PIK3C2A: variants seen among roughly 807,000 people sequenced by gnomAD.
PIK3C2A encodes the protein phosphatidylinositol 4-phosphate 3-kinase C2 domain-containing subunit alpha.
PIK3C2A carries 97 observed loss-of-function variants against 204.5 expected under a neutral mutation model. That is an observed-to-expected ratio of 0.47 (90% confidence interval 0.40 to 0.56). The LOEUF (loss-of-function observed/expected upper bound fraction) is 0.56, where lower values mean the gene tolerates loss of function less well. Ranked by LOEUF, PIK3C2A falls within the 20% of genes least tolerant of loss-of-function variation. The pLI, the probability that PIK3C2A is intolerant of heterozygous loss-of-function variation, is 0.00. For synonymous variants in PIK3C2A, 653 were observed against 664.4 expected (o/e 0.98, Z 0.26); for missense variants, 1,735 against 1,969.2 (o/e 0.88, Z 2.25).
chr11:17,113,892 C>G (rs1185695947), intron 20 of PIK3C2A, among the ~76,000 whole-genome samples: 3 of 150,894 alleles, frequency 2.0e-5, no homozygotes, highest in Non-Finnish European at 4.4e-5. Flanking sequence ...CCAGCCTGGT[C>G]AACAAAGTGA....
At chr11:17,159,459 T>C (rs1850708516) in intron 2 of PIK3C2A, among the ~76,000 whole-genome samples, 1 of 152,250 alleles carries the variant, frequency 6.6e-6, no homozygotes. Flanking sequence ...TGTAGATGTT[T>C]AGGTCATCGT....
At position 17,105,279 on chromosome 11, in the gene PIK3C2A, C is replaced by G. The variant is rs764455543; in HGVS notation, c.3571G>C (p.Asp1191His). 1 of 1,610,688 alleles carries G rather than the reference C, an allele frequency of 6.2e-7. No individual in the cohort carries two copies. The highest frequency in any genetic ancestry group is 8.5e-7 in the Non-Finnish European group (1 of 1,178,470). ...TCCACTTGGATTTTCCTGAGGGTATCGGAAGCAGGAACCAGCTCCACCATG... is the reference window on the plus strand; with the variant it reads ...TCCACTTGGATTTTCCTGAGGGTATGGGAAGCAGGAACCAGCTCCACCATG... The part of the protein sequence containing the change: ...RGMVELVPAS[D>H]TLRKIQVEYG... Residue 1191 changes from aspartate (D) to histidine (H), a missense_variant, in exon 23 of 33, where the codon GAT (aspartate) becomes CAT (histidine). Around this residue, in one of 6 missense-constraint regions of PIK3C2A, gnomAD observed 503 missense variants for 669.0 expected, o/e 0.75. Transcript: ENST00000691414.
intron 2 of PIK3C2A, among the ~76,000 whole-genome samples, chr11:17,167,935 T>C (rs952978022): frequency 2.6e-5 from 4 of 152,140 alleles, no homozygotes; most frequent in Admixed American, 2.6e-4. Context: ...TATTTATTCA[T>C]TGATTCATGG....
chr11:17,181,659 T>TATACACACACACAC (rs1851568139), intron 1 of PIK3C2A, among the ~76,000 whole-genome samples: 1 of 113,146 alleles, frequency 8.8e-6, no homozygotes, highest in African/African-American at 4.4e-5. Flanking sequence ...TATATATATA[T>TATACACACACACAC]ACACACACAC....
intron 2 of PIK3C2A, among the ~76,000 whole-genome samples, chr11:17,161,972 T>G (rs1345269073): frequency 6.6e-6 from 1 of 152,132 alleles, no homozygotes; most frequent in African/African-American, 2.4e-5. Context: ...AAAACCAAAC[T>G]TTATCTTCCT....
chr11:17,191,524 G>A (rs1052565716), intron 1 of PIK3C2A, among the ~76,000 whole-genome samples: 2 of 152,184 alleles, frequency 1.3e-5, no homozygotes, highest in Admixed American at 6.5e-5. Context: ...AATGGGGAGC[G>A]AATACCAGAT....
At chr11:17,152,971 G>C (rs150904685) in intron 3 of PIK3C2A, among the ~76,000 whole-genome samples, 15 of 151,994 alleles carry the variant, frequency 9.9e-5, no homozygotes, top group Non-Finnish European at 1.5e-4. Flanking sequence ...GAAGTTTTTG[G>C]GGTCAAGATA....
chr11:17,095,357 C>A, intron 27 of PIK3C2A, among the ~76,000 whole-genome samples: 1 of 143,362 alleles, frequency 7.0e-6, no homozygotes, highest in South Asian at 2.2e-4. Flanking sequence ...AGGTGGATCA[C>A]AAGGTCAGGA....
chr11:17,117,401 C>A (rs1849228332), intron 19 of PIK3C2A, 90 bp downstream of exon 19: 1 of 817,510 alleles, frequency 1.2e-6, no homozygotes, highest in African/African-American at 1.7e-5. Flanking sequence ...TGGGAGTCTA[C>A]CAATAAAGAA....
intron 1 of PIK3C2A, among the ~76,000 whole-genome samples, chr11:17,190,547 C>A (rs1260272171): frequency 6.7e-6 from 1 of 149,116 alleles, no homozygotes; most frequent in Non-Finnish European, 1.5e-5. Flanking sequence ...CTCCATCCAG[C>A]CTGGGCGACA....
rs61763084 is a variant in PIK3C2A, at chr11:17,099,611, T to C, written c.4118+249A>G. On this transcript the variant is annotated intron_variant, in intron 26 of 32. Transcript: ENST00000691414. ...ACTGTAGAAAAATATGTTTTTATCA[T>C]TGAAATTACATATTAAATAAACCTT... Among the ~76,000 whole-genome samples the C allele has an allele frequency of 3.0e-3, 451 of 152,272 alleles. 3 individuals carry two copies. The highest frequency in any genetic ancestry group is 0.01 in the African/African-American group (425 of 41,582).
rs1590965687 is a variant in PIK3C2A at position 17,150,480 on chromosome 11, G to C, written c.1327+18C>G. Reference sequence around the variant, plus strand: ...CCTAACAGAGCAAAACGAGAGGCTTGAGGAACCATAAACCTACCATCACAC... The same window carrying C: ...CCTAACAGAGCAAAACGAGAGGCTTCAGGAACCATAAACCTACCATCACAC... On this transcript the variant is annotated intron_variant, in intron 4 of 32. Coordinates refer to ENST00000691414, the MANE Select transcript of PIK3C2A (RefSeq NM_002645.4). 1 of 1,572,176 alleles carries C rather than the reference G, an allele frequency of 6.4e-7. No homozygotes were observed.
intron 13 of PIK3C2A, among the ~76,000 whole-genome samples, chr11:17,125,691 G>A (rs1849499880): frequency 6.6e-6 from 1 of 151,896 alleles, no homozygotes; most frequent in East Asian, 1.9e-4. Flanking sequence ...TAACTTTTTT[G>A]TATTTTTAGT....
chr11:17,138,292 A>C, intron 8 of PIK3C2A: 1 of 642,912 alleles, frequency 1.6e-6, no homozygotes, highest in Non-Finnish European at 2.8e-6. Flanking sequence ...AGGATATGCC[A>C]AATGCCCCGG....
chr11:17,138,951 A>G (rs904024885), intron 8 of PIK3C2A, among the ~76,000 whole-genome samples: 8 of 151,866 alleles, frequency 5.3e-5, no homozygotes, highest in Non-Finnish European at 1.2e-4. Context: ...TTTGTCCCCC[A>G]GGCTGGAGTG....
chr11:17,127,313 T>C (rs114962367), intron 13 of PIK3C2A, among the ~76,000 whole-genome samples: 3,702 of 152,148 alleles, frequency 0.024, 158 homozygotes, highest in African/African-American at 0.084. Context: ...AATATGTGTT[T>C]TTTTTTTCTT....
In PIK3C2A at chr11:17,148,778, G is replaced by A; in HGVS notation, c.1337C>T (p.Thr446Ile). 1 of 1,610,244 alleles carries A rather than the reference G, an allele frequency of 6.2e-7. No homozygotes were observed. Among genetic ancestry groups the A allele is most frequent in the Non-Finnish European group, 8.5e-7 (1 of 1,177,258 alleles). ...PVTFTCDVSS[T>I]VEIIIMQALC... ...GGCTTGCATTATAATGATTTCTACA[G>A]TAGAACTCACTGTAAAAGAGTTAGT... Residue 446 changes from threonine (T) to isoleucine (I), a missense_variant, in exon 5 of 33, where the codon ACT (threonine) becomes ATT (isoleucine). Physicochemically the swap from Thr to Ile is moderately conservative, Grantham distance 89. Coordinates refer to ENST00000691414, the MANE Select transcript of PIK3C2A (RefSeq NM_002645.4).
chr11:17,152,491 A>G (rs898526924), intron 3 of PIK3C2A, among the ~76,000 whole-genome samples: 1 of 152,162 alleles, frequency 6.6e-6, no homozygotes, highest in African/African-American at 2.4e-5. Flanking sequence ...TTAAATTATT[A>G]AATGAATAAC....
chr11:17,153,578 G>A (rs1257561470), intron 3 of PIK3C2A, among the ~76,000 whole-genome samples: 2 of 152,108 alleles, frequency 1.3e-5, no homozygotes, highest in Non-Finnish European at 2.9e-5. Flanking sequence ...ATGTATTACA[G>A]AATCTTAAAC....
Sources: gnomAD v4.1 joint callset for allele counts (sites outside exome capture counted in the v4.1 genomes callset) on GRCh38, gnomAD v4.1.1 for gene constraint, gnomAD v4.1.1 regional missense constraint, MANE v1.5 for transcripts, NCBI Gene and HGNC (gene_info 2026-07-23, HGNC 2026-07-21) for gene names.